Variants in ABCC5 observed in about 807,000 individuals in gnomAD.
ABCC5 encodes ATP binding cassette subfamily C member 5.
Under a neutral mutation model 160.9 loss-of-function variants are expected in ABCC5, and 61 were observed. The observed-to-expected ratio is 0.38, with a 90% CI of 0.31 to 0.47. ABCC5 has a LOEUF of 0.47. Ranked by LOEUF, ABCC5 falls within the 20% of genes least tolerant of loss-of-function variation. The pLI, the probability that ABCC5 is intolerant of heterozygous loss-of-function variation, is 0.99. For missense variants in ABCC5, 1,308 were observed against 1,813.3 expected, an observed-to-expected ratio of 0.72 and a Z score of 5.06; for synonymous variants, 666 against 700.6, an observed-to-expected ratio of 0.95 and a Z score of 0.78.
Position 183,983,000 on chromosome 3 carries a change from A to G in ABCC5, c.599T>C (p.Met200Thr). 2 of 1,613,894 alleles carry G rather than the reference A, an allele frequency of 1.2e-6. No individual in the cohort carries two copies. The highest frequency in any genetic ancestry group is 8.5e-7 in the Non-Finnish European group (1 of 1,179,752). Residue 200 changes from methionine (M) to threonine (T), a missense_variant, in exon 6 of 30, where the codon ATG becomes ACG. By Grantham distance (81) the Met-to-Thr change is moderately conservative. This residue lies in a region of ABCC5 where 1,142 missense variants were observed against 1,527.1 expected (regional missense o/e 0.75). Coordinates refer to ENST00000334444, the MANE Select transcript of ABCC5 (RefSeq NM_005688.4). This position sits in a 1 kb window ranked among gnomAD's most constrained non-coding sequence, Gnocchi z 5.2. ...GGTATACTCCAAGAGGTGTTTCACC[A>G]TGAAGGCCTACAGGGAGAGACACAC... Reference protein sequence around the residue: ...QLAGFSGPAFMVKHLLEYTQA... With the variant: ...QLAGFSGPAFTVKHLLEYTQA...
At chr3:183,966,827 A>C (rs968661716) in intron 12 of ABCC5, among the ~76,000 whole-genome samples, 2 of 152,162 alleles carry the variant, frequency 1.3e-5, no homozygotes, top group Non-Finnish European at 2.9e-5. Flanking sequence ...AGCTGATGCC[A>C]AACAAGACAA....
intron 10 of ABCC5, among the ~76,000 whole-genome samples, chr3:183,972,394 A>T (rs1199362021): frequency 6.6e-6 from 1 of 152,224 alleles, no homozygotes; most frequent in African/African-American, 2.4e-5. Context: ...ATCTAGGAGT[A>T]GAGACTGTCA....
chr3:184,003,566 A>T (rs1455622907), intron 2 of ABCC5, among the ~76,000 whole-genome samples: 2 of 152,162 alleles, frequency 1.3e-5, no homozygotes, highest in South Asian at 2.1e-4. Context: ...CAGTCCTATC[A>T]CTCAACAGCT....
chr3:184,007,145 C>T (rs1047158235), intron 2 of ABCC5, among the ~76,000 whole-genome samples: 9 of 151,040 alleles, frequency 6.0e-5, no homozygotes, highest in East Asian at 2.0e-4. Context: ...CTCAGTCTCC[C>T]GAGTAGCTGG....
intron 24 of ABCC5, among the ~76,000 whole-genome samples, chr3:183,944,484 G>A (rs1234667886): frequency 6.6e-6 from 1 of 152,034 alleles, no homozygotes; most frequent in African/African-American, 2.4e-5. Context: ...CAAGTGTTGG[G>A]AACTCAGAAT....
At chr3:183,945,707 C>T (rs1000064311) in intron 24 of ABCC5, 143 bp downstream of exon 24, 69 of 703,738 alleles carry the variant, frequency 9.8e-5, no homozygotes, top group African/African-American at 6.5e-4. Context: ...ATTCCAAGCA[C>T]GGTTGAGAGA....
rs759718184 is a variant in ABCC5 at position 183,947,506 on chromosome 3, G to A, written c.3232C>T (p.Gln1078Ter). The change falls in exon 23 of 30, where the codon CAG (glutamine) becomes TAG (stop). Residue 1078 changes from glutamine to a stop codon, truncating the protein, a stop_gained. Coordinates refer to ENST00000334444, the MANE Select transcript of ABCC5 (RefSeq NM_005688.4). LOFTEE classifies it high-confidence loss of function. ...GCTTGGTTGTCATCCAGCAGCTCCTGGTATCTGTGAGAAAGACAACACTTA... is the reference window on the plus strand; with the variant it reads ...GCTTGGTTGTCATCCAGCAGCTCCTAGTATCTGTGAGAAAGACAACACTTA... ...NKGQEFLHRY[Q>*]ELLDDNQAPF... The A allele has an allele frequency of 6.3e-7, 1 of 1,591,482 alleles. No homozygotes were observed. The highest frequency in any genetic ancestry group is 8.6e-7 in the Non-Finnish European group (1 of 1,165,868).
Position 183,977,530 on chromosome 3 carries a change from A to G in ABCC5, c.1391T>C (p.Val464Ala). The G allele has an allele frequency of 2.5e-6, 4 of 1,613,392 alleles. No individual in the cohort carries two copies. Among genetic ancestry groups the G allele is most frequent in the Non-Finnish European group, 3.4e-6 (4 of 1,179,410 alleles). Residue 464 changes from valine to alanine, a missense_variant, in exon 10 of 30, where the codon GTT becomes GCT. Val to Ala is a moderately conservative substitution (Grantham distance 64). This residue lies in a region of ABCC5 where 1,142 missense variants were observed against 1,527.1 expected (regional missense o/e 0.75). Coordinates refer to ENST00000334444, the MANE Select transcript of ABCC5 (RefSeq NM_005688.4). ...VKSLSEASVA[V>A]DRFKSLFLME... is the part of the protein sequence containing the mutation. ...GGAGCCACTTACCTTAAATCTGTCA[A>G]CAGCCACTGAGGCTTCTGAGAGGGA...
At chr3:183,925,339 G>A (rs1277386241) in intron 29 of ABCC5, among the ~76,000 whole-genome samples, 2 of 152,184 alleles carry the variant, frequency 1.3e-5, no homozygotes, top group Non-Finnish European at 2.9e-5. Context: ...AGCAACAAAA[G>A]GACAAATTAG....
rs1560020666 is a variant in ABCC5, at chr3:183,971,738, T to G, written c.1586A>C (p.Lys529Thr). ...DKRASRGKKE[K>T]VRQLQRTEHQ... ...CTCAGTGCGCTGCAGCTGCCTCACC[T>G]TCTCTTTCTTGCCCCTGGAAGCCCT... The change falls in exon 11 of 30, where the codon AAG (lysine) becomes ACG (threonine). Residue 529 changes from lysine to threonine, a missense_variant. This residue lies in a region of ABCC5 where 1,142 missense variants were observed against 1,527.1 expected (regional missense o/e 0.75). Transcript: ENST00000334444. The G allele has an allele frequency of 6.2e-7, 1 of 1,614,234 alleles. No homozygotes were observed. The highest frequency in any genetic ancestry group is 1.3e-5 in the African/African-American group (1 of 75,068).
intron 2 of ABCC5, among the ~76,000 whole-genome samples, chr3:184,002,592 G>C (rs1338578587): frequency 6.6e-6 from 1 of 152,194 alleles, no homozygotes; most frequent in African/African-American, 2.4e-5. Flanking sequence ...GCCATCCTCA[G>C]GCCTCAGATA....
intron 25 of ABCC5, among the ~76,000 whole-genome samples, chr3:183,941,703 G>A (rs77736226): frequency 0.036 from 5,512 of 152,106 alleles, 329 homozygotes; most frequent in African/African-American, 0.12. Flanking sequence ...AGAAAAAAGG[G>A]GCCGGGTGCG....
intron 25 of ABCC5, among the ~76,000 whole-genome samples, chr3:183,939,464 CTCAG>C (rs1331088147): frequency 1.3e-5 from 2 of 152,280 alleles, no homozygotes; most frequent in African/African-American, 4.8e-5. Context: ...TTGTATAACA[CTCAG>C]TCAACCATCT....
At chr3:183,955,343 G>A (rs1715774027) in intron 17 of ABCC5, among the ~76,000 whole-genome samples, 1 of 152,200 alleles carries the variant, frequency 6.6e-6, no homozygotes, top group Admixed American at 6.5e-5. Context: ...TGTTCTGTCA[G>A]TCTTAGGATC....
Position 183,921,396 on chromosome 3 carries a change from C to T in ABCC5, c.4218G>A (p.Val1406=). 1 of 1,612,370 alleles carries T rather than the reference C, an allele frequency of 6.2e-7. No individual in the cohort carries two copies. The highest frequency in any genetic ancestry group is 8.5e-7 in the Non-Finnish European group (1 of 1,179,328). ...RIMVLAQGQV[V]EFDTPSVLLS... ...GAAGGACCGATGGGGTGTCAAACTC[C>T]ACCACCTGCAAAAGAAGGAGACGCC... Residue 1406 remains valine, a synonymous_variant, in exon 30 of 30, where the codon GTG becomes GTA. Coordinates refer to ENST00000334444, the MANE Select transcript of ABCC5 (RefSeq NM_005688.4). This position sits in a 1 kb window ranked among gnomAD's most constrained non-coding sequence, Gnocchi z 4.1.
At chr3:184,016,283 G>A (rs565720321) in intron 1 of ABCC5, among the ~76,000 whole-genome samples, 2 of 152,110 alleles carry the variant, frequency 1.3e-5, no homozygotes. Flanking sequence ...AAGGGTGTGG[G>A]GAACAGTGTT....
chr3:183,951,001 G>A lies in ABCC5; in HGVS notation c.2944+440C>T, dbSNP rs546692517. Reference sequence around the variant, plus strand: ...ACACCCGCCTGACAGGCCTGCTGCGGGGATTAAGGTAACATGCATAAAACA... The same window carrying A: ...ACACCCGCCTGACAGGCCTGCTGCGAGGATTAAGGTAACATGCATAAAACA... On this transcript the variant is annotated intron_variant, in intron 20 of 29. Transcript: ENST00000334444. This position sits in a 1 kb window ranked among gnomAD's most constrained non-coding sequence, Gnocchi z 4.7. Among the ~76,000 whole-genome samples, 51 of 152,320 alleles carry A rather than the reference G, an allele frequency of 3.3e-4. 1 individual carries two copies. In the South Asian group the frequency reaches 5.0e-3, roughly 15 times the overall value.
At chr3:184,014,500 C>T in intron 1 of ABCC5, 53 bp from the exon 2 acceptor site, 1 of 1,157,338 alleles carries the variant, frequency 8.6e-7, no homozygotes, top group Non-Finnish European at 1.1e-6. Flanking sequence ...AGTACTTAAC[C>T]ATAAGCTCAA....
intron 23 of ABCC5, 58 bp downstream of exon 23, chr3:183,947,266 C>A (rs538531321): frequency 1.7e-4 from 245 of 1,472,234 alleles, no homozygotes; most frequent in Non-Finnish European, 2.1e-4. Context: ...CCCTCTTTTA[C>A]GTCAGCAGAG....
Sources: allele counts gnomAD v4.1 joint callset (sites outside exome capture counted in the v4.1 genomes callset), GRCh38; gene constraint gnomAD v4.1.1; regional missense constraint gnomAD v4.1.1; non-coding constraint Gnocchi (gnomAD v3.1); transcripts MANE v1.5; gene names NCBI Gene and HGNC (gene_info 2026-07-23, HGNC 2026-07-21).